The following CHN2 variants were observed in gnomAD, a reference collection of about 807,000 sequenced individuals.
The protein encoded by CHN2 is beta-chimaerin.
A neutral mutation model predicts 56.3 loss-of-function variants in CHN2; 35 were observed. That is an observed-to-expected ratio of 0.62 (90% CI 0.47 to 0.82). The LOEUF is 0.82. CHN2 is among the 40% of genes least tolerant of loss of function. The probability of loss-of-function intolerance (pLI) is 0.00; values close to 1 mark genes in which losing one functional copy is unlikely to be tolerated. For synonymous variants in CHN2, 210 were observed against 212.8 expected, an observed-to-expected ratio of 0.99 and a Z score of 0.12; for missense variants, 491 against 580.5, an observed-to-expected ratio of 0.85 and a Z score of 1.58.
intron 6 of CHN2, among the ~76,000 whole-genome samples, chr7:29,462,787 T>C (rs989454495): frequency 3.9e-5 from 6 of 152,138 alleles, no homozygotes; most frequent in Admixed American, 1.3e-4. Flanking sequence ...TATTATACTT[T>C]AAGTTTTAGG....
At chr7:29,381,986 T>A (rs1800550239) in intron 3 of CHN2, among the ~76,000 whole-genome samples, 1 of 151,740 alleles carries the variant, frequency 6.6e-6, no homozygotes, top group Non-Finnish European at 1.5e-5. Flanking sequence ...AGCGTCAGAG[T>A]TCCAGGGTAG....
At chr7:29,158,211 C>G (rs1313465277) in intron 2 of CHN2, among the ~76,000 whole-genome samples, 10 of 152,182 alleles carry the variant, frequency 6.6e-5, no homozygotes, top group Non-Finnish European at 1.3e-4. Flanking sequence ...GAATGAATGT[C>G]TACAATCAAG....
chr7:29,402,040 T>C (rs1196796405), intron 6 of CHN2, among the ~76,000 whole-genome samples: 6 of 152,196 alleles, frequency 3.9e-5, no homozygotes, highest in African/African-American at 1.4e-4. Flanking sequence ...ACACTGCTCC[T>C]TCCAGTGGTC....
At chr7:29,174,353 T>C (rs73306215) in intron 2 of CHN2, among the ~76,000 whole-genome samples, 18,968 of 152,104 alleles carry the variant, frequency 0.12, 1,413 homozygotes, top group African/African-American at 0.2. Flanking sequence ...GAAGCAAAAG[T>C]CATCAGTCCC....
intron 6 of CHN2, among the ~76,000 whole-genome samples, chr7:29,476,350 A>G (rs1437164953): frequency 6.6e-6 from 1 of 152,086 alleles, no homozygotes; most frequent in Non-Finnish European, 1.5e-5. Context: ...CAGCCTGGCC[A>G]ACATGGTGAA....
intron 6 of CHN2, among the ~76,000 whole-genome samples, chr7:29,422,737 A>T (rs1804471569): frequency 1.3e-5 from 2 of 152,200 alleles, no homozygotes; most frequent in Admixed American, 1.3e-4. Flanking sequence ...AAAGCTAACC[A>T]GGTTTCTTTT....
At chr7:29,250,893 A>G (rs887568109) in intron 1 of CHN2, among the ~76,000 whole-genome samples, 5 of 152,012 alleles carry the variant, frequency 3.3e-5, no homozygotes, top group African/African-American at 2.4e-5. Context: ...TATTTTTACT[A>G]GAGACGAGCT....
chr7:29,365,402 CTCACA>C (rs896456069), intron 2 of CHN2, among the ~76,000 whole-genome samples: 14 of 152,140 alleles, frequency 9.2e-5, no homozygotes, highest in Admixed American at 2.0e-4. Flanking sequence ...GTTTTTGGAA[CTCACA>C]TCAATAAATA....
intron 1 of CHN2, among the ~76,000 whole-genome samples, chr7:29,302,302 CCTT>C (rs1463711885): frequency 8.1e-5 from 12 of 148,720 alleles, no homozygotes; most frequent in African/African-American, 1.5e-4. Flanking sequence ...TCCTCTTCTT[CCTT>C]CTTCTCCTTC....
chr7:29,211,349 A>G (rs1383916711), intron 1 of CHN2, among the ~76,000 whole-genome samples: 2 of 151,522 alleles, frequency 1.3e-5, no homozygotes, highest in East Asian at 3.9e-4. Flanking sequence ...AAGTGCTGGG[A>G]TTACAGGCGT....
At chr7:29,180,440 T>C (rs1326333378) in intron 2 of CHN2, among the ~76,000 whole-genome samples, 1 of 151,668 alleles carries the variant, frequency 6.6e-6, no homozygotes, top group Non-Finnish European at 1.5e-5. Flanking sequence ...GGCAGGAGAA[T>C]CACTTGAACC....
chr7:29,381,202 C>T (rs1201544243), intron 3 of CHN2, among the ~76,000 whole-genome samples: 1 of 152,046 alleles, frequency 6.6e-6, no homozygotes, highest in Non-Finnish European at 1.5e-5. Flanking sequence ...ATTCTCTGGC[C>T]CTGGTTGGGA....
At chr7:29,213,552 A>C (rs1785119019) in intron 1 of CHN2, among the ~76,000 whole-genome samples, 1 of 152,270 alleles carries the variant, frequency 6.6e-6, no homozygotes, top group Non-Finnish European at 1.5e-5. Flanking sequence ...CTCAAGAATA[A>C]GAAATACAAG....
chr7:29,386,845 G>A (rs1800951865), intron 3 of CHN2, among the ~76,000 whole-genome samples: 1 of 152,160 alleles, frequency 6.6e-6, no homozygotes, highest in African/African-American at 2.4e-5. Flanking sequence ...ATTCATTGAT[G>A]GAATTCAGTT....
intron 1 of CHN2, among the ~76,000 whole-genome samples, chr7:29,270,804 GAGAA>G (rs1562879785): frequency 6.6e-6 from 1 of 152,290 alleles, no homozygotes; most frequent in African/African-American, 2.4e-5. Context: ...ACTGGAGAGA[GAGAA>G]AGAGAGAGCA....
At position 29,379,649 on chromosome 7, in the gene CHN2, T is replaced by G. The variant is rs530533727; in HGVS notation, c.144+11662T>G. Among the ~76,000 whole-genome samples, 9 of 152,326 alleles carry G rather than the reference T, an allele frequency of 5.9e-5. No homozygotes were observed. In the South Asian group the frequency reaches 1.7e-3, roughly 28 times the overall value. On this transcript the variant is annotated intron_variant, in intron 3 of 12. Coordinates refer to ENST00000222792, the MANE Select transcript of CHN2 (RefSeq NM_004067.4). ...CAACTTTTCTGTATGTATGAAAATT[T>G]TCATTATAAAACGTCAAGAAGAAAA...
rs541149942 is a variant in CHN2 at position 29,479,854 on chromosome 7, C to T, written c.577-425C>T. The stretch of plus-strand genomic sequence containing the variant: ...GATACCGCTTCTGGGGGTTGCTGTG[C>T]ACATGAATGTTTGCTATTGTTCCAG... On this transcript the variant is annotated intron_variant, in intron 6 of 12. Coordinates refer to ENST00000222792, the MANE Select transcript of CHN2 (RefSeq NM_004067.4). 9.9e-5 allele frequency: 134 copies of T among 1,347,898 alleles called. 1 individual carries two copies. The East Asian group carries it at 4.0e-3, about 40-fold the overall frequency. The allele number at this position is 1,347,898 out of a possible 1,614,324, so 83.5% of individuals were successfully genotyped here. A position where few individuals can be genotyped will look rare whatever the true frequency, so the allele number is the denominator to read the frequency against.
chr7:29,249,113 C>G (rs2128816965), intron 1 of CHN2, among the ~76,000 whole-genome samples: 1 of 152,130 alleles, frequency 6.6e-6, no homozygotes, highest in Admixed American at 6.5e-5. Context: ...GGGGGATTGG[C>G]TCTTGTGGTT....
At chr7:29,274,132 C>T (rs1456477740) in intron 1 of CHN2, among the ~76,000 whole-genome samples, 3 of 152,140 alleles carry the variant, frequency 2.0e-5, no homozygotes, top group Non-Finnish European at 4.4e-5. Flanking sequence ...ATAGTGCTTA[C>T]GAACATTCGG....
Sources: allele counts gnomAD v4.1 joint callset (sites outside exome capture counted in the v4.1 genomes callset), GRCh38; gene constraint gnomAD v4.1.1; transcripts MANE v1.5; gene names NCBI Gene and HGNC (gene_info 2026-07-23, HGNC 2026-07-21).